Variants in SLC25A21 observed in about 807,000 individuals in gnomAD.
The protein encoded by SLC25A21 is mitochondrial 2-oxodicarboxylate carrier.
Under a neutral mutation model 43.8 loss-of-function variants are expected in SLC25A21, and 47 were observed. The ratio of observed to expected loss-of-function variants is 1.07; its 90% confidence interval spans 0.85 to 1.37. The LOEUF is 1.37. SLC25A21 is among the 40% of genes most tolerant of loss of function. The pLI is 0.00. For synonymous variants in SLC25A21, 131 were observed against 121.3 expected (o/e 1.08, Z -0.52); for missense variants, 352 against 350.2 (o/e 1.00, Z -0.04).
At chr14:37,168,586 G>C (rs924556511) in intron 1 of SLC25A21, among the ~76,000 whole-genome samples, 2 of 151,876 alleles carry the variant, frequency 1.3e-5, no homozygotes, top group African/African-American at 2.4e-5. Flanking sequence ...TTGGTACAGA[G>C]GTGGGCCCCT....
intron 1 of SLC25A21, among the ~76,000 whole-genome samples, chr14:37,116,931 T>TA (rs1328258611): frequency 6.6e-6 from 1 of 152,176 alleles, no homozygotes; most frequent in African/African-American, 2.4e-5. Context: ...TTTCAAAACA[T>TA]AACTTGTAGT....
At chr14:36,701,354 A>G (rs902081468) in intron 7 of SLC25A21, among the ~76,000 whole-genome samples, 1 of 152,226 alleles carries the variant, frequency 6.6e-6, no homozygotes, top group African/African-American at 2.4e-5. Flanking sequence ...AGATGCTTCA[A>G]CTGATAAGCA....
At chr14:36,878,470 A>G (rs543101716) in intron 1 of SLC25A21, among the ~76,000 whole-genome samples, 1 of 152,280 alleles carries the variant, frequency 6.6e-6, no homozygotes, top group South Asian at 2.1e-4. Context: ...TCAGAGTGGG[A>G]ATGGATGCTT....
intron 1 of SLC25A21, among the ~76,000 whole-genome samples, chr14:37,005,241 T>C (rs1030481272): frequency 8.0e-5 from 12 of 149,940 alleles, no homozygotes; most frequent in African/African-American, 2.9e-4. Context: ...AAAAGAATGC[T>C]GGAGACAACG....
chr14:37,077,414 C>T (rs1050682701), intron 1 of SLC25A21, among the ~76,000 whole-genome samples: 3 of 152,010 alleles, frequency 2.0e-5, no homozygotes, highest in African/African-American at 7.3e-5. Context: ...TTTGTCTATC[C>T]CTTTACTTGA....
intron 2 of SLC25A21, among the ~76,000 whole-genome samples, chr14:36,860,540 T>C (rs1307098390): frequency 6.6e-6 from 1 of 152,122 alleles, no homozygotes; most frequent in Admixed American, 6.6e-5. Context: ...AGTGGATCTG[T>C]GTTAATTACA....
intron 2 of SLC25A21, among the ~76,000 whole-genome samples, chr14:36,840,176 T>TA (rs1889340916): frequency 6.6e-6 from 1 of 151,790 alleles, no homozygotes; most frequent in South Asian, 2.1e-4. Flanking sequence ...TATCTCAGAG[T>TA]AAAACTGAAC....
At chr14:36,775,756 T>G (rs2138366201) in intron 3 of SLC25A21, among the ~76,000 whole-genome samples, 1 of 152,300 alleles carries the variant, frequency 6.6e-6, no homozygotes, top group Non-Finnish European at 1.5e-5. Flanking sequence ...TTTGTGCCAG[T>G]TGCCTACATT....
chr14:37,148,067 A>T (rs373803636), intron 1 of SLC25A21, among the ~76,000 whole-genome samples: 29 of 151,304 alleles, frequency 1.9e-4, no homozygotes, highest in African/African-American at 2.9e-4. Flanking sequence ...CGAACTCCTG[A>T]CCTCAAGTGA....
At chr14:36,931,713 G>A (rs2138637315) in intron 1 of SLC25A21, among the ~76,000 whole-genome samples, 1 of 152,224 alleles carries the variant, frequency 6.6e-6, no homozygotes, top group South Asian at 2.1e-4. Context: ...ATCTAATGCA[G>A]TAAAGCAGGT....
At chr14:36,755,438 T>G (rs1885887297) in intron 3 of SLC25A21, among the ~76,000 whole-genome samples, 2 of 152,212 alleles carry the variant, frequency 1.3e-5, no homozygotes, top group Non-Finnish European at 2.9e-5. Context: ...GTGATTTTTT[T>G]CCTTCATCCC....
At chr14:36,804,817 T>C (rs1274224197) in intron 3 of SLC25A21, among the ~76,000 whole-genome samples, 1 of 152,228 alleles carries the variant, frequency 6.6e-6, no homozygotes, top group East Asian at 1.9e-4. Flanking sequence ...AGAGTGCTTT[T>C]AGGAAGTTCT....
chr14:36,856,255 C>T (rs553653704), intron 2 of SLC25A21, among the ~76,000 whole-genome samples: 10 of 152,286 alleles, frequency 6.6e-5, no homozygotes, highest in Non-Finnish European at 8.8e-5. Flanking sequence ...AGGAAGTAGG[C>T]GCTTTATGAC....
At chr14:36,768,896 G>A (rs74044970) in intron 3 of SLC25A21, among the ~76,000 whole-genome samples, 1,859 of 147,190 alleles carry the variant, frequency 0.013, 31 homozygotes, top group African/African-American at 0.045. Context: ...GGAGTTCAAG[G>A]TCAGCTTGAG....
chr14:37,004,903 A>G (rs1032496006), intron 1 of SLC25A21, among the ~76,000 whole-genome samples: 6 of 150,768 alleles, frequency 4.0e-5, no homozygotes, highest in Non-Finnish European at 7.4e-5. Flanking sequence ...AGAAGGAGGA[A>G]TAAGAAGAAT....
Position 36,724,787 on chromosome 14 carries a change from T to G in SLC25A21, c.438+783A>C, listed in dbSNP as rs146163515. Among the ~76,000 whole-genome samples the G allele has an allele frequency of 2.6e-5, 4 of 152,198 alleles. No individual in the cohort carries two copies. In the East Asian group the frequency reaches 7.7e-4, roughly 29 times the overall value. On this transcript the variant is annotated intron_variant, in intron 6 of 9. Transcript: ENST00000331299. Reference sequence around the variant, plus strand: ...TCAACCAAAAGACAAATTTGACAGATTATCAGAATCTTCCAGGATGGGTGG... The same window carrying G: ...TCAACCAAAAGACAAATTTGACAGAGTATCAGAATCTTCCAGGATGGGTGG...
At chr14:36,778,618 A>G (rs888984563) in intron 3 of SLC25A21, among the ~76,000 whole-genome samples, 18 of 152,202 alleles carry the variant, frequency 1.2e-4, no homozygotes, top group African/African-American at 4.1e-4. Context: ...ATTAGAATGG[A>G]AGCCCAAGAA....
chr14:36,876,686 C>A (rs1345970531), intron 1 of SLC25A21, among the ~76,000 whole-genome samples: 1 of 151,854 alleles, frequency 6.6e-6, no homozygotes. Context: ...TGTTCTGGTG[C>A]CTTCATGGAC....
rs115493766 is a variant in SLC25A21 at position 36,799,467 on chromosome 14, G to C, written c.203+14451C>G. Among the ~76,000 whole-genome samples, 1,197 of 152,142 alleles carry C rather than the reference G, an allele frequency of 7.9e-3. 18 individuals are homozygous for C. Among genetic ancestry groups the C allele is most frequent in the African/African-American group, 0.027 (1,116 of 41,512 alleles). On this transcript the variant is annotated intron_variant, in intron 3 of 9. Coordinates refer to ENST00000331299, the MANE Select transcript of SLC25A21 (RefSeq NM_030631.4). ...AGCCCATGCCAAAATATATCAAGTA[G>C]TGCCCCGGCATCCTGAAGAAACATT...
Sources: allele counts gnomAD v4.1 joint callset (sites outside exome capture counted in the v4.1 genomes callset), GRCh38; gene constraint gnomAD v4.1.1; transcripts MANE v1.5; gene names NCBI Gene and HGNC (gene_info 2026-07-23, HGNC 2026-07-21).